BCL2L1: variants seen among roughly 807,000 people sequenced by gnomAD.
BCL2L1 encodes bcl-2-like protein 1.
A neutral mutation model predicts 18.7 loss-of-function variants in BCL2L1; 1 was observed. That is an observed-to-expected ratio of 0.05 (90% confidence interval 0.02 to 0.25). The LOEUF (loss-of-function observed/expected upper bound fraction) is 0.25, where lower values mean the gene tolerates loss of function less well. BCL2L1 is among the 10% of genes least tolerant of loss of function. The pLI is 1.00. For missense variants in BCL2L1, 207 were observed against 304.9 expected, an observed-to-expected ratio of 0.68 and a Z score of 2.39; for synonymous variants, 103 against 122.7, an observed-to-expected ratio of 0.84 and a Z score of 1.06.
intron 2 of BCL2L1, among the ~76,000 whole-genome samples, chr20:31,717,757 C>T (rs1158037455): frequency 6.6e-6 from 1 of 152,224 alleles, no homozygotes; most frequent in Non-Finnish European, 1.5e-5. Flanking sequence ...GACCACTGAG[C>T]CATACAGCTT....
At chr20:31,691,730 A>C (rs1460106700) in intron 2 of BCL2L1, among the ~76,000 whole-genome samples, 1 of 152,134 alleles carries the variant, frequency 6.6e-6, no homozygotes, top group Non-Finnish European at 1.5e-5. Context: ...AGTCAAATCA[A>C]AAGGAAATGG....
chr20:31,678,725 C>T (rs999091669), intron 2 of BCL2L1, among the ~76,000 whole-genome samples: 14 of 152,186 alleles, frequency 9.2e-5, no homozygotes, highest in African/African-American at 1.2e-4. Context: ...GATCTTTCCA[C>T]GCTCTAGCTC....
chr20:31,675,309 T>C (rs1432975856), intron 2 of BCL2L1, among the ~76,000 whole-genome samples: 6 of 152,180 alleles, frequency 3.9e-5, no homozygotes. Flanking sequence ...CATCCCTGCA[T>C]TGGCAGGCTG....
At chr20:31,716,093 T>C (rs2061531620) in intron 2 of BCL2L1, among the ~76,000 whole-genome samples, 1 of 152,192 alleles carries the variant, frequency 6.6e-6, no homozygotes, top group Admixed American at 6.5e-5. Flanking sequence ...CTCAGGATGC[T>C]ATATAAGCTT....
chr20:31,698,662 C>T (rs2061226670), intron 2 of BCL2L1, among the ~76,000 whole-genome samples: 1 of 152,100 alleles, frequency 6.6e-6, no homozygotes, highest in Non-Finnish European at 1.5e-5. Context: ...TCTCAGCCTC[C>T]CGAGTAGCTG....
rs2061575833 is a variant in BCL2L1 at position 31,718,630 on chromosome 20, A to C, written c.564+3025T>G. Among the ~76,000 whole-genome samples, 3 of 150,680 alleles carry C rather than the reference A, an allele frequency of 2.0e-5. No homozygotes were observed. The South Asian group carries it at 6.3e-4, about 32-fold the overall frequency. On this transcript the variant is annotated intron_variant, in intron 2 of 2. Coordinates refer to ENST00000307677, the MANE Select transcript of BCL2L1 (RefSeq NM_138578.3). ...AGATCGCGCCACTGCACTCCAGCCT[A>C]GGCAACAAGAGCGAGACTCCGTCTC...
rs1428557544 is a variant in BCL2L1 at position 31,666,103 on chromosome 20, G to A, written c.565-17C>T. On this transcript the variant is annotated splice_polypyrimidine_tract_variant and intron_variant, in intron 2 of 2. Coordinates refer to ENST00000307677, the MANE Select transcript of BCL2L1 (RefSeq NM_138578.3). ...AAAAGTATCCTGCAGGGAGAGAGAA[G>A]GAAGGTGCAGTTTTAGTCCTCAGAG... 6.2e-7 allele frequency: 1 copy of A among 1,613,666 alleles called. No individual in the cohort carries two copies. The highest frequency in any genetic ancestry group is 1.3e-5 in the African/African-American group (1 of 74,898).
chr20:31,672,395 T>C (rs914087486), intron 2 of BCL2L1, among the ~76,000 whole-genome samples: 2 of 150,304 alleles, frequency 1.3e-5, no homozygotes, highest in Non-Finnish European at 3.0e-5. Context: ...ACCCAGGAGA[T>C]GGAGGTTGCA....
At chr20:31,700,825 T>C (rs116319717) in intron 2 of BCL2L1, among the ~76,000 whole-genome samples, 2 of 152,216 alleles carry the variant, frequency 1.3e-5, no homozygotes, top group Non-Finnish European at 2.9e-5. Flanking sequence ...CCAATGGCAA[T>C]ATCTCAATTA....
rs185869561 is a variant in BCL2L1, at chr20:31,691,572, G to A, written c.565-25486C>T. On this transcript the variant is annotated intron_variant, in intron 2 of 2. Coordinates refer to ENST00000307677, the MANE Select transcript of BCL2L1 (RefSeq NM_138578.3). ...AAATAAAATAAAATAAAATAAACAG[G>A]CTGGGTGTGGTGGCGCCCGGCGAAC... Among the ~76,000 whole-genome samples the A allele has an allele frequency of 4.0e-3, 571 of 144,226 alleles. 8 individuals are homozygous for A. Among genetic ancestry groups the A allele is most frequent in the African/African-American group, 0.015 (544 of 35,714 alleles). 94.6% of individuals were successfully genotyped at this position (144,226 alleles called of 152,430 possible).
intron 2 of BCL2L1, among the ~76,000 whole-genome samples, chr20:31,677,182 A>ATTTT (rs552709722): frequency 1.4e-5 from 2 of 139,550 alleles, no homozygotes; most frequent in Non-Finnish European, 1.5e-5. Context: ...TCCTTATTTA[A>ATTTT]TTTTTTTTTT....
intron 2 of BCL2L1, among the ~76,000 whole-genome samples, chr20:31,704,997 G>C (rs1017742967): frequency 6.6e-6 from 1 of 152,154 alleles, no homozygotes; most frequent in African/African-American, 2.4e-5. Context: ...TCAGTGGATA[G>C]ACCAAAAACT....
chr20:31,721,673 G>C lies in BCL2L1; in HGVS notation c.546C>G (p.Ile182Met), dbSNP rs2122870933. Residue 182 changes from isoleucine to methionine, a missense_variant, in exon 2 of 3, where the codon ATC becomes ATG. Transcript: ENST00000307677. The part of the protein sequence containing the change: ...TYLNDHLEPW[I>M]QENGGWDTFV... ...TTCTTACCCAGCCGCCGTTCTCCTG[G>C]ATCCAAGGCTCTAGGTGGTCATTCA... 2 of 1,608,076 alleles carry C rather than the reference G, an allele frequency of 1.2e-6. No homozygotes were observed. Among genetic ancestry groups the C allele is most frequent in the Admixed American group, 1.7e-5 (1 of 59,342 alleles).
intron 2 of BCL2L1, among the ~76,000 whole-genome samples, chr20:31,717,377 T>C (rs1305143011): frequency 6.6e-6 from 1 of 151,866 alleles, no homozygotes; most frequent in Non-Finnish European, 1.5e-5. Flanking sequence ...ACCCTCCAGG[T>C]TCCATTGGAG....
intron 2 of BCL2L1, among the ~76,000 whole-genome samples, chr20:31,674,054 A>G (rs73903629): frequency 0.019 from 2,890 of 152,292 alleles, 89 homozygotes; most frequent in African/African-American, 0.065. Context: ...GGAAGTGGCA[A>G]GAGTAGGATC....
intron 2 of BCL2L1, among the ~76,000 whole-genome samples, chr20:31,719,837 A>G (rs2061594550): frequency 6.6e-6 from 1 of 152,214 alleles, no homozygotes; most frequent in African/African-American, 2.4e-5. Flanking sequence ...ACCTGGTATT[A>G]GGACCACTGG....
At chr20:31,723,803 G>C, upstream of BCL2L1, 1 of 985,482 alleles carries the variant, frequency 1.0e-6, no homozygotes, top group Non-Finnish European at 1.2e-6. Flanking sequence ...AGACGCAAGA[G>C]CTCTTCGCGG....
chr20:31,707,535 T>C (rs1023863178), intron 2 of BCL2L1, among the ~76,000 whole-genome samples: 1 of 152,018 alleles, frequency 6.6e-6, no homozygotes, highest in Non-Finnish European at 1.5e-5. Context: ...TCCTAGCAGT[T>C]TGGGAGGCTG....
chr20:31,672,536 G>C (rs1359574219), intron 2 of BCL2L1, among the ~76,000 whole-genome samples: 1 of 152,112 alleles, frequency 6.6e-6, no homozygotes, highest in Non-Finnish European at 1.5e-5. Context: ...GAGAGGAGGG[G>C]TGTTCCTGGG....
Sources: gnomAD v4.1 joint callset for allele counts (sites outside exome capture counted in the v4.1 genomes callset) on GRCh38, gnomAD v4.1.1 for gene constraint, MANE v1.5 for transcripts, NCBI Gene and HGNC (gene_info 2026-07-23, HGNC 2026-07-21) for gene names.